IL6: variants seen among roughly 807,000 people sequenced by gnomAD.
IL6 encodes the protein interleukin-6.
Under a neutral mutation model 18.0 loss-of-function variants are expected in IL6, and 5 were observed. The observed-to-expected ratio is 0.28, with a 90% CI of 0.15 to 0.58. IL6 has a LOEUF of 0.58. Ranked by LOEUF, IL6 falls within the 20% of genes least tolerant of loss-of-function variation. IL6 has a pLI of 0.90. For missense variants in IL6, 266 were observed against 251.0 expected (o/e 1.06, Z -0.40); for synonymous variants, 97 against 95.1 (o/e 1.02, Z -0.12).
At chr7:22,729,723 G>A in intron 4 of IL6, 63 bp downstream of exon 4, 1 of 1,612,040 alleles carries the variant, frequency 6.2e-7, no homozygotes, top group Non-Finnish European at 8.5e-7. Context: ...ACAGTGTCCT[G>A]GACAACTCAG....
intron 4 of IL6, chr7:22,729,968 T>C: frequency 1.0e-6 from 1 of 985,292 alleles, no homozygotes; most frequent in Non-Finnish European, 1.2e-6. Flanking sequence ...CAGAAAAAAG[T>C]GCATCCAACT....
intron 1 of IL6, 39 bp from the exon 2 acceptor site, chr7:22,727,405 C>T (rs1784028180): frequency 6.2e-7 from 1 of 1,613,218 alleles, no homozygotes; most frequent in South Asian, 1.1e-5. Flanking sequence ...CCCAGCTGTG[C>T]TGTCAGCTCA....
chr7:22,727,555 G>GACA lies in IL6; in HGVS notation c.132_134dup (p.Gln45dup). 1 of 1,610,532 alleles carries GACA rather than the reference G, an allele frequency of 6.2e-7. No homozygotes were observed. ...TCCAAAGATGTAGCCGCCCCACACA[G>GACA]ACAGCCACTCACCTCTTCAGAACGA... On this transcript the variant is annotated inframe_insertion, in exon 2 of 5. Coordinates refer to ENST00000258743, the MANE Select transcript of IL6 (RefSeq NM_000600.5).
rs1784036209 is a variant in IL6, at chr7:22,727,608, G to A, written c.184G>A (p.Asp62Asn). 1.3e-6 allele frequency: 2 copies of A among 1,564,860 alleles called. No individual in the cohort carries two copies. Among genetic ancestry groups the A allele is most frequent in the Admixed American group, 1.9e-5 (1 of 53,628 alleles). Residue 62 changes from aspartate (D) to asparagine (N), a missense_variant, in exon 2 of 5, where the codon GAC becomes AAC. Asp to Asn is a conservative substitution (Grantham distance 23). Coordinates refer to ENST00000258743, the MANE Select transcript of IL6 (RefSeq NM_000600.5). Reference protein sequence around the residue: ...RIDKQIRYILDGISALRKETC... With the variant: ...RIDKQIRYILNGISALRKETC... ...TGACAAACAAATTCGGTACATCCTC[G>A]ACGGCATCTCAGCCCTGAGAAAGGA...
chr7:22,728,846 C>T (rs761408199), intron 3 of IL6, 40 bp downstream of exon 3: 1 of 1,150,770 alleles, frequency 8.7e-7, no homozygotes, highest in South Asian at 1.2e-5. Context: ...ATTCCTTAGG[C>T]AAAACTTCTC....
At chr7:22,728,470 C>A in intron 2 of IL6, 2 of 505,278 alleles carry the variant, frequency 4.0e-6, no homozygotes, top group Non-Finnish European at 3.5e-6. Context: ...GATAAGGAAA[C>A]TGAGACTCAG....
rs1784131456 is a variant in IL6 at position 22,731,844 on chromosome 7, T to A, written c.*271T>A. 5.6e-6 allele frequency: 1 copy of A among 177,574 alleles called. No individual in the cohort carries two copies. Among genetic ancestry groups the A allele is most frequent in the Non-Finnish European group, 1.2e-5 (1 of 85,594 alleles). The allele number at this position is 177,574 out of a possible 1,614,324, so 11.0% of individuals were successfully genotyped here. On this transcript the variant is annotated 3_prime_UTR_variant, in exon 5 of 5. Transcript: ENST00000258743. ...ATGGAAAGTGGCTATGCAGTTTGAA[T>A]ATCCTTTGTTTCAGAGCCAGATCAT...
At position 22,729,543 on chromosome 7, in the gene IL6, T is replaced by C. The variant is rs1393411759; in HGVS notation, c.354T>C (p.Gly118=). 6.2e-7 allele frequency: 1 copy of C among 1,614,088 alleles called. No homozygotes were observed. Among genetic ancestry groups the C allele is most frequent in the East Asian group, 2.2e-5 (1 of 44,888 alleles). Residue 118 remains glycine (G), a synonymous_variant, in exon 4 of 5, where the codon GGT becomes GGC. Coordinates refer to ENST00000258743, the MANE Select transcript of IL6 (RefSeq NM_000600.5). ...EETCLVKIIT[G]LLEFEVYLEY... Reference sequence around the variant, plus strand: ...CTTGCCTGGTGAAAATCATCACTGGTCTTTTGGAGTTTGAGGTATACCTAG... The same window carrying C: ...CTTGCCTGGTGAAAATCATCACTGGCCTTTTGGAGTTTGAGGTATACCTAG...
chr7:22,728,847 A>C (rs1784066978), intron 3 of IL6, 41 bp downstream of exon 3: 1 of 1,157,518 alleles, frequency 8.6e-7, no homozygotes, highest in African/African-American at 1.5e-5. Context: ...TTCCTTAGGC[A>C]AAACTTCTCC....
At chr7:22,731,213 C>T (rs536817770) in intron 4 of IL6, among the ~76,000 whole-genome samples, 193 bp from the exon 5 acceptor site, 12 of 150,634 alleles carry the variant, frequency 8.0e-5, no homozygotes, top group African/African-American at 2.2e-4. Flanking sequence ...GGTGACAGAA[C>T]GAGACCTTGA....
Position 22,727,279 on chromosome 7 carries a change from C to A in IL6, c.17C>A (p.Thr6Lys). 3 of 1,613,952 alleles carry A rather than the reference C, an allele frequency of 1.9e-6. No homozygotes were observed. Among genetic ancestry groups the A allele is most frequent in the African/African-American group, 1.3e-5 (1 of 74,990 alleles). ...AGCCCAGCTATGAACTCCTTCTCCA[C>A]AAGTAAGTGCAGGAAATCCTTAGCC... MNSFS[T>K]SAFGPVAFSL... The change falls in exon 1 of 5, where the codon ACA (threonine) becomes AAA (lysine). Residue 6 changes from threonine (T) to lysine (K), a missense_variant and splice_region_variant. By Grantham distance (78) the Thr-to-Lys change is moderately conservative (BLOSUM62 -1). Coordinates refer to ENST00000258743, the MANE Select transcript of IL6 (RefSeq NM_000600.5).
chr7:22,728,562 A>T (rs1784059037), intron 2 of IL6, 131 bp from the exon 3 acceptor site: 1 of 636,440 alleles, frequency 1.6e-6, no homozygotes, highest in Non-Finnish European at 2.9e-6. Flanking sequence ...TTTGCTTGCC[A>T]GGATGCCAAT....
At chr7:22,730,396 T>A (rs1048807431) in intron 4 of IL6, 1 of 495,924 alleles carries the variant, frequency 2.0e-6, no homozygotes, top group African/African-American at 2.1e-5. Flanking sequence ...AGGGTCAAAT[T>A]TCTACCAGGC....
chr7:22,730,805 G>T (rs1421160310), intron 4 of IL6, among the ~76,000 whole-genome samples: 2 of 152,108 alleles, frequency 1.3e-5, no homozygotes, highest in African/African-American at 4.8e-5. Context: ...CTAAGGCCAG[G>T]AGTTCAAGAC....
intron 4 of IL6, chr7:22,730,375 G>A (rs2069843): frequency 0.03 from 24,570 of 813,056 alleles, 725 homozygotes; most frequent in African/African-American, 0.13. Context: ...AGCAAGCCTC[G>A]GGTGGGTTTG....
Position 22,727,513 on chromosome 7 carries a change from T to A in IL6, c.89T>A (p.Val30Glu). Residue 30 changes from valine (V) to glutamate (E), a missense_variant, in exon 2 of 5, where the codon GTA (valine) becomes GAA (glutamate). Coordinates refer to ENST00000258743, the MANE Select transcript of IL6 (RefSeq NM_000600.5). ...TTGCCTGCTGCCTTCCCTGCCCCAG[T>A]ACCCCCAGGAGAAGATTCCAAAGAT... ...LVLPAAFPAP[V>E]PPGEDSKDVA... 6.2e-7 allele frequency: 1 copy of A among 1,614,026 alleles called. No homozygotes were observed. Among genetic ancestry groups the A allele is most frequent in the African/African-American group, 1.3e-5 (1 of 75,036 alleles).
chr7:22,728,165 G>C (rs754991829), intron 2 of IL6, among the ~76,000 whole-genome samples: 1 of 152,080 alleles, frequency 6.6e-6, no homozygotes, highest in African/African-American at 2.4e-5. Flanking sequence ...GTCCTGTTTG[G>C]TAGAAAGAAA....
intron 3 of IL6, 93 bp from the exon 4 acceptor site, chr7:22,729,421 G>A: frequency 8.2e-7 from 1 of 1,213,418 alleles, no homozygotes; most frequent in Non-Finnish European, 1.2e-6. Flanking sequence ...TAGAGGAGCA[G>A]AGGGAAAAGA....
intron 2 of IL6, 151 bp from the exon 3 acceptor site, chr7:22,728,542 T>G: frequency 1.6e-6 from 1 of 617,540 alleles, no homozygotes; most frequent in South Asian, 2.0e-5. Context: ...GTGCCCCCAC[T>G]CCACTGGAAT....
Sources: allele counts gnomAD v4.1 joint callset (sites outside exome capture counted in the v4.1 genomes callset), GRCh38; gene constraint gnomAD v4.1.1; transcripts MANE v1.5; gene names NCBI Gene and HGNC (gene_info 2026-07-23, HGNC 2026-07-21).